Variants in WNT7B observed in about 807,000 individuals in gnomAD.
WNT7B encodes protein Wnt-7b.
WNT7B carries 19 observed loss-of-function variants against 38.2 expected under a neutral mutation model. The observed-to-expected ratio is 0.50, with a 90% confidence interval of 0.35 to 0.73. The LOEUF is 0.73. Ranked by LOEUF, WNT7B falls within the 30% of genes least tolerant of loss-of-function variation. The probability of loss-of-function intolerance (pLI) is 0.01; values close to 1 mark genes in which losing one functional copy is unlikely to be tolerated. For missense variants in WNT7B, 423 were observed against 507.9 expected (o/e 0.83, Z 1.61); for synonymous variants, 243 against 209.3 (o/e 1.16, Z -1.39).
intron 2 of WNT7B, among the ~76,000 whole-genome samples, chr22:45,941,398 C>T (rs1235621132): frequency 6.6e-6 from 1 of 151,226 alleles, no homozygotes; most frequent in African/African-American, 2.5e-5. Context: ...GTAATCCCAG[C>T]TACTCGGGAA....
At position 45,965,331 on chromosome 22, in the gene WNT7B, C is replaced by T. The variant is rs761431007; in HGVS notation, c.71+11353G>A. Reference sequence around the variant, plus strand: ...GTCCCACAGGGCTTTGTGTCAACGACGCTGGAAGGCAGGGCGGTAGGGACT... The same window carrying T: ...GTCCCACAGGGCTTTGTGTCAACGATGCTGGAAGGCAGGGCGGTAGGGACT... On this transcript the variant is annotated intron_variant, in intron 1 of 3. Coordinates refer to ENST00000339464, the MANE Select transcript of WNT7B (RefSeq NM_058238.3). The surrounding 1 kb of genome is among the most constrained non-coding windows in gnomAD (Gnocchi z 6.5). 6.6e-6 allele frequency among the ~76,000 whole-genome samples: 1 copy of T among 152,178 alleles called. No individual in the cohort carries two copies. Among genetic ancestry groups the T allele is most frequent in the Non-Finnish European group, 1.5e-5 (1 of 68,046 alleles).
intron 1 of WNT7B, among the ~76,000 whole-genome samples, chr22:45,969,019 C>T (rs1322015158): frequency 6.6e-6 from 1 of 152,200 alleles, no homozygotes; most frequent in Non-Finnish European, 1.5e-5. Flanking sequence ...AACCTGAACA[C>T]GCCTGAGCCA....
intron 3 of WNT7B, among the ~76,000 whole-genome samples, chr22:45,928,160 A>G (rs993656379): frequency 5.3e-5 from 8 of 152,142 alleles, no homozygotes; most frequent in African/African-American, 1.2e-4. Context: ...CTGTGGCGGC[A>G]GTCAGCTGCT....
chr22:45,972,408 C>A, intron 1 of WNT7B: 1 of 274,620 alleles, frequency 3.6e-6, no homozygotes. Context: ...GCCGCTAGGG[C>A]CGCGCATGGC....
chr22:45,954,523 G>A (rs1295242269), intron 1 of WNT7B, among the ~76,000 whole-genome samples: 3 of 152,176 alleles, frequency 2.0e-5, no homozygotes, highest in East Asian at 3.8e-4. Context: ...CCACCCAGCC[G>A]ACGCCCTGCT....
chr22:45,954,073 G>A (rs114714389), intron 1 of WNT7B, among the ~76,000 whole-genome samples: 2,290 of 152,286 alleles, frequency 0.015, 47 homozygotes, highest in African/African-American at 0.051. Flanking sequence ...ACATTATGTG[G>A]CCATAAAAAC....
At position 45,923,268 on chromosome 22, in the gene WNT7B, GT is replaced by G; in HGVS notation, c.637del (p.Thr213ProfsTer16). On this transcript the variant is annotated frameshift_variant, in exon 4 of 4. Transcript: ENST00000339464. LOFTEE classifies it high-confidence loss of function. ...GAACTTGGGCAGCGTGGTCCAGCAGGTTTTGGTGGTGCAGGAGCCAGACACG... is the reference window on the plus strand; with the variant it reads ...GAACTTGGGCAGCGTGGTCCAGCAGGTTTGGTGGTGCAGGAGCCAGACACG... ...HGVSGSCTTK[T>X]CWTTLPKFRE... The G allele has an allele frequency of 6.2e-7, 1 of 1,613,544 alleles. No homozygotes were observed. Among genetic ancestry groups the G allele is most frequent in the Admixed American group, 1.7e-5 (1 of 60,020 alleles).
At chr22:45,973,989 AC>A (rs1932503743) in intron 1 of WNT7B, among the ~76,000 whole-genome samples, 2 of 152,198 alleles carry the variant, frequency 1.3e-5, no homozygotes, top group Middle Eastern at 3.4e-3. Context: ...GAACTTTATG[AC>A]CCTGAAAATC....
intron 1 of WNT7B, among the ~76,000 whole-genome samples, chr22:45,962,753 G>C (rs941093098): frequency 6.6e-6 from 1 of 152,140 alleles, no homozygotes; most frequent in Non-Finnish European, 1.5e-5. Flanking sequence ...GCAAGGATGG[G>C]AGTCCCAGTC....
At chr22:45,925,113 G>A in intron 3 of WNT7B, 1 of 981,850 alleles carries the variant, frequency 1.0e-6, no homozygotes, top group East Asian at 1.2e-4. Flanking sequence ...CATCAGATGA[G>A]TGCTGGGTGG....
In WNT7B at chr22:45,965,326, A is replaced by AACG. The variant is rs1932288916; in HGVS notation, c.71+11355_71+11357dup. ...TGTGGGTCCCACAGGGCTTTGTGTC[A>AACG]ACGACGCTGGAAGGCAGGGCGGTAG... is the stretch of plus-strand genomic sequence containing the variant. On this transcript the variant is annotated intron_variant, in intron 1 of 3. Transcript: ENST00000339464. The surrounding 1 kb of genome is among the most constrained non-coding windows in gnomAD (Gnocchi z 6.5). Among the ~76,000 whole-genome samples the AACG allele has an allele frequency of 6.6e-6, 1 of 152,090 alleles. No individual in the cohort carries two copies. The highest frequency in any genetic ancestry group is 2.4e-5 in the African/African-American group (1 of 41,420).
intron 3 of WNT7B, among the ~76,000 whole-genome samples, chr22:45,923,801 C>G (rs1429069551): frequency 6.6e-6 from 1 of 152,286 alleles, no homozygotes; most frequent in Admixed American, 6.5e-5. Context: ...TCGAGCTTAG[C>G]GTAGGGTCTG....
At position 45,932,113 on chromosome 22, in the gene WNT7B, G is replaced by T. The variant is rs953355494; in HGVS notation, c.299-744C>A. ...TGCTTCATCTCCCCAGCCACCAGCT[G>T]GTTCCCTCCAAGGGCAGTCTGGCCA... is the stretch of plus-strand genomic sequence containing the variant. On this transcript the variant is annotated intron_variant, in intron 2 of 3. Coordinates refer to ENST00000339464, the MANE Select transcript of WNT7B (RefSeq NM_058238.3). Among the ~76,000 whole-genome samples the T allele has an allele frequency of 8.5e-5, 13 of 152,244 alleles. No individual in the cohort carries two copies. The South Asian group carries it at 2.5e-3, about 29-fold the overall frequency.
intron 2 of WNT7B, among the ~76,000 whole-genome samples, chr22:45,945,124 C>A (rs1054698924): frequency 6.6e-6 from 1 of 151,884 alleles, no homozygotes; most frequent in African/African-American, 2.4e-5. Context: ...ACTCTTGTTG[C>A]CCAGGCTGGA....
At chr22:45,930,348 A>G (rs59411032) in intron 3 of WNT7B, among the ~76,000 whole-genome samples, 56,267 of 152,190 alleles carry the variant, frequency 0.37, 10,535 homozygotes, top group Admixed American at 0.41. Flanking sequence ...CACACCTGAG[A>G]AGCCCCCTAG....
At chr22:45,929,431 C>T (rs1327304029) in intron 3 of WNT7B, among the ~76,000 whole-genome samples, 1 of 148,418 alleles carries the variant, frequency 6.7e-6, no homozygotes, top group Non-Finnish European at 1.5e-5. Context: ...CATCCATCCA[C>T]CCACCCACTG....
chr22:45,939,672 A>ACACACACACACACACACACAC (rs1477583799), intron 2 of WNT7B, among the ~76,000 whole-genome samples: 6 of 104,372 alleles, frequency 5.7e-5, no homozygotes, highest in African/African-American at 2.6e-4. Flanking sequence ...CACACACACA[A>ACACACACACACACACACACAC]AAATAGCCAG....
chr22:45,962,243 A>G (rs1236361541), intron 1 of WNT7B, among the ~76,000 whole-genome samples: 1 of 152,132 alleles, frequency 6.6e-6, no homozygotes, highest in Non-Finnish European at 1.5e-5. Flanking sequence ...CCTGGCCAAC[A>G]CAAGGGGCCC....
chr22:45,937,573 C>CT (rs1397820885), intron 2 of WNT7B, among the ~76,000 whole-genome samples: 1 of 148,772 alleles, frequency 6.7e-6, no homozygotes, highest in African/African-American at 2.6e-5. Flanking sequence ...GTGTGCACCT[C>CT]AGCACGTGTC....
Sources: allele counts gnomAD v4.1 joint callset (sites outside exome capture counted in the v4.1 genomes callset), GRCh38; gene constraint gnomAD v4.1.1; non-coding constraint Gnocchi (gnomAD v3.1); transcripts MANE v1.5; gene names NCBI Gene and HGNC (gene_info 2026-07-23, HGNC 2026-07-21).